Variants in CMSS1 observed in about 807,000 individuals in gnomAD.
CMSS1 encodes the protein cms1 ribosomal small subunit homolog.
Under a neutral mutation model 43.5 loss-of-function variants are expected in CMSS1, and 33 were observed. The observed-to-expected ratio is 0.76, with a 90% CI of 0.57 to 1.01. CMSS1 has a LOEUF of 1.01. CMSS1 is among the 50% of genes least tolerant of loss of function. CMSS1 has a pLI of 0.00. For synonymous variants in CMSS1, 115 were observed against 117.2 expected (o/e 0.98, Z 0.12); for missense variants, 313 against 326.4 (o/e 0.96, Z 0.32).
chr3:99,959,338 C>A (rs919540431), intron 1 of CMSS1, among the ~76,000 whole-genome samples: 2 of 152,076 alleles, frequency 1.3e-5, no homozygotes, highest in African/African-American at 4.8e-5. Flanking sequence ...TTAGCAGAGG[C>A]GGGGTTTCGC....
rs565030553 is a variant in CMSS1 at position 100,003,242 on chromosome 3, A to T, written c.65-143731A>T. Among the ~76,000 whole-genome samples the T allele has an allele frequency of 1.1e-3, 171 of 152,304 alleles. 4 individuals are homozygous for T. In the South Asian group the frequency reaches 0.035, roughly 31 times the overall value. On this transcript the variant is annotated intron_variant, in intron 1 of 9. Transcript: ENST00000421999. ...TCATACCAATGACCATGTGGAGAAA[A>T]TAAAAGAATGTTAGAACTGGCAAGT...
At chr3:100,083,676 A>G (rs987962183) in intron 1 of CMSS1, among the ~76,000 whole-genome samples, 1 of 152,240 alleles carries the variant, frequency 6.6e-6, no homozygotes, top group Non-Finnish European at 1.5e-5. Flanking sequence ...GTGTTAGAAT[A>G]ATCAGTCTTA....
intron 1 of CMSS1, among the ~76,000 whole-genome samples, chr3:100,129,665 C>T (rs1393952482): frequency 2.0e-5 from 3 of 152,106 alleles, no homozygotes; most frequent in Admixed American, 1.3e-4. Flanking sequence ...AAAATTCTCC[C>T]CCAGAGTCTT....
At chr3:100,134,418 C>T (rs915216571) in intron 1 of CMSS1, among the ~76,000 whole-genome samples, 2 of 152,128 alleles carry the variant, frequency 1.3e-5, no homozygotes, top group South Asian at 2.1e-4. Flanking sequence ...TTTCTTCTGT[C>T]GCTGTTCTGG....
intron 1 of CMSS1, among the ~76,000 whole-genome samples, chr3:99,822,790 C>T (rs1166416507): frequency 6.6e-6 from 1 of 152,178 alleles, no homozygotes; most frequent in Non-Finnish European, 1.5e-5. Flanking sequence ...TTGTTGAGCA[C>T]TTAACTACCT....
chr3:100,089,289 T>G (rs961307242), intron 1 of CMSS1, among the ~76,000 whole-genome samples: 2 of 152,142 alleles, frequency 1.3e-5, no homozygotes, highest in African/African-American at 4.8e-5. Flanking sequence ...ATTTTATTAT[T>G]TAGAGTTCAG....
At chr3:100,076,636 C>G (rs1576026792) in intron 1 of CMSS1, among the ~76,000 whole-genome samples, 1 of 152,312 alleles carries the variant, frequency 6.6e-6, no homozygotes, top group East Asian at 1.9e-4. Flanking sequence ...TTTTGCCAGA[C>G]TGAACTCACT....
intron 1 of CMSS1, among the ~76,000 whole-genome samples, chr3:99,919,778 C>T (rs1307307559): frequency 2.6e-5 from 4 of 152,092 alleles, no homozygotes; most frequent in African/African-American, 9.7e-5. Flanking sequence ...AAAGTTGTTT[C>T]AGCCAAAGGG....
chr3:99,822,686 C>T (rs60014423), intron 1 of CMSS1, among the ~76,000 whole-genome samples: 1,684 of 152,160 alleles, frequency 0.011, 34 homozygotes, highest in African/African-American at 0.038. Flanking sequence ...GAGCCGAGGT[C>T]GTGCCACTGC....
intron 1 of CMSS1, among the ~76,000 whole-genome samples, chr3:99,853,188 T>C (rs767356009): frequency 6.6e-6 from 1 of 152,194 alleles, no homozygotes; most frequent in Non-Finnish European, 1.5e-5. Flanking sequence ...GCTTTGGTGG[T>C]GAAATAGTTA....
chr3:100,122,207 A>G (rs143421318), intron 1 of CMSS1, among the ~76,000 whole-genome samples: 1 of 152,322 alleles, frequency 6.6e-6, no homozygotes, highest in Non-Finnish European at 1.5e-5. Flanking sequence ...TGCTGTGTAC[A>G]AGTACCCAGA....
intron 1 of CMSS1, among the ~76,000 whole-genome samples, chr3:99,941,000 A>T (rs1047291435): frequency 6.6e-6 from 1 of 152,242 alleles, no homozygotes; most frequent in African/African-American, 2.4e-5. Flanking sequence ...CCCCTTTCCC[A>T]GCATCTCAGG....
chr3:99,817,967 G>A lies in CMSS1; in HGVS notation c.-13G>A. The A allele has an allele frequency of 6.2e-7, 1 of 1,614,012 alleles. No individual in the cohort carries two copies. The highest frequency in any genetic ancestry group is 8.5e-7 in the Non-Finnish European group (1 of 1,179,950). On this transcript the variant is annotated 5_prime_UTR_variant, in exon 1 of 10. Transcript: ENST00000421999. Reference sequence around the variant, plus strand: ...ACCCGTGATGTTCTGCCCACGTCGAGACCTGAGCTGAAATGGCAGACGATC... The same window carrying A: ...ACCCGTGATGTTCTGCCCACGTCGAAACCTGAGCTGAAATGGCAGACGATC...
chr3:100,020,804 G>T (rs999894806), intron 1 of CMSS1, among the ~76,000 whole-genome samples: 1 of 100,186 alleles, frequency 1.0e-5, no homozygotes, highest in African/African-American at 3.9e-5. Flanking sequence ...GTCTTGCTCT[G>T]TTGCCAGGTT....
intron 1 of CMSS1, among the ~76,000 whole-genome samples, chr3:99,948,913 G>A (rs903796438): frequency 6.6e-6 from 1 of 152,122 alleles, no homozygotes; most frequent in Non-Finnish European, 1.5e-5. Context: ...ATTGTAAACT[G>A]CACACTGTAA....
At chr3:99,863,074 A>T (rs1290266582) in intron 1 of CMSS1, among the ~76,000 whole-genome samples, 2 of 152,144 alleles carry the variant, frequency 1.3e-5, no homozygotes, top group Admixed American at 6.5e-5. Flanking sequence ...CCTTTTTGGC[A>T]CCAGGGACCA....
chr3:100,130,403 A>C (rs746665472), intron 1 of CMSS1, among the ~76,000 whole-genome samples: 6 of 152,210 alleles, frequency 3.9e-5, no homozygotes, highest in Non-Finnish European at 8.8e-5. Context: ...CAGCACAACA[A>C]ACTTTTTATC....
At chr3:100,078,758 G>A (rs1449646269) in intron 1 of CMSS1, among the ~76,000 whole-genome samples, 1 of 152,076 alleles carries the variant, frequency 6.6e-6, no homozygotes, top group Non-Finnish European at 1.5e-5. Flanking sequence ...GAGCATCATG[G>A]CGGGTGCCTG....
At chr3:100,041,331 G>T (rs1253168352) in intron 1 of CMSS1, 19 of 152,116 alleles carry the variant, frequency 1.2e-4, no homozygotes, top group Admixed American at 1.2e-3. Flanking sequence ...GACATCCTAA[G>T]CTGTAAGCAC....
Sources: allele counts gnomAD v4.1 joint callset (sites outside exome capture counted in the v4.1 genomes callset), GRCh38; gene constraint gnomAD v4.1.1; transcripts MANE v1.5; gene names NCBI Gene and HGNC (gene_info 2026-07-23, HGNC 2026-07-21).